Variants in LRRC37A2 observed in about 807,000 individuals in gnomAD.
LRRC37A2 encodes leucine rich repeat containing 37 member A2.
In LRRC37A2, 9 loss-of-function variants were observed where a neutral mutation model predicts 68.8. The ratio of observed to expected loss-of-function variants is 0.13; its 90% CI spans 0.08 to 0.23. LRRC37A2 has a LOEUF of 0.23. LRRC37A2 is among the 10% of genes least tolerant of loss of function. The pLI, the probability that LRRC37A2 is intolerant of heterozygous loss-of-function variation, is 1.00. For synonymous variants in LRRC37A2, 63 were observed against 367.6 expected, an observed-to-expected ratio of 0.17 and a Z score of 9.48; for missense variants, 168 against 950.4, an observed-to-expected ratio of 0.18 and a Z score of 10.82.
At chr17:46,986,970 G>T in the LRRC37A2 span, among the ~76,000 whole-genome samples, 7 of 152,206 alleles carry the variant, frequency 4.6e-5, no homozygotes, top group South Asian at 1.2e-3. Context: ...TGCAGGCCAG[G>T]GGGGGTGGCT....
At chr17:46,727,768 A>G in the LRRC37A2 span, among the ~76,000 whole-genome samples, 1 of 152,192 alleles carries the variant, frequency 6.6e-6, no homozygotes, top group Non-Finnish European at 1.5e-5. Flanking sequence ...GTGTGTGGTC[A>G]TAGCAACACT....
the LRRC37A2 span, chr17:46,756,195 A>G: frequency 5.5e-6 from 1 of 180,336 alleles, no homozygotes. Context: ...ATGTTGCATG[A>G]CAACAGTTGG....
the LRRC37A2 span, among the ~76,000 whole-genome samples, chr17:46,828,658 A>T: frequency 2.0e-5 from 3 of 152,180 alleles, no homozygotes; most frequent in African/African-American, 4.8e-5. Context: ...AGATGCATCC[A>T]GAATGTAGTT....
At chr17:46,784,379 C>T in the LRRC37A2 span, among the ~76,000 whole-genome samples, 1 of 152,082 alleles carries the variant, frequency 6.6e-6, no homozygotes, top group Non-Finnish European at 1.5e-5. Flanking sequence ...AAGAGAGGGA[C>T]GGAAGCTAGA....
At chr17:46,884,541 A>C in the LRRC37A2 span, among the ~76,000 whole-genome samples, 22 of 152,344 alleles carry the variant, frequency 1.4e-4, no homozygotes, top group African/African-American at 5.1e-4. Context: ...ACAGAGGCCC[A>C]GGGTTTGGTA....
the LRRC37A2 span, chr17:46,955,573 T>C: frequency 6.6e-6 from 1 of 152,128 alleles, no homozygotes; most frequent in Non-Finnish European, 1.5e-5. Flanking sequence ...ACTACACTTA[T>C]TAAGGAAAAA....
the LRRC37A2 span, among the ~76,000 whole-genome samples, chr17:46,743,095 G>T: frequency 6.6e-6 from 1 of 152,068 alleles, no homozygotes; most frequent in African/African-American, 2.4e-5. Context: ...TCCTTCGGAG[G>T]GGGTGTCTGA....
the LRRC37A2 span, among the ~76,000 whole-genome samples, chr17:46,862,860 A>T: frequency 6.6e-6 from 1 of 152,198 alleles, no homozygotes; most frequent in Non-Finnish European, 1.5e-5. Context: ...CTGGGATTAC[A>T]AGCGTGAGCC....
the LRRC37A2 span, among the ~76,000 whole-genome samples, chr17:46,405,690 A>C: frequency 1.5e-5 from 1 of 68,460 alleles, no homozygotes; most frequent in Non-Finnish European, 3.3e-5. Context: ...GTGAGCCGAG[A>C]TCACGCCACT....
chr17:46,906,709 T>C, the LRRC37A2 span, among the ~76,000 whole-genome samples: 33 of 152,066 alleles, frequency 2.2e-4, no homozygotes, highest in African/African-American at 7.7e-4. Context: ...TTATGCCCAC[T>C]TCATATAGGA....
chr17:46,849,745 A>C, the LRRC37A2 span, among the ~76,000 whole-genome samples: 3 of 152,216 alleles, frequency 2.0e-5, no homozygotes, highest in African/African-American at 7.2e-5. Context: ...GACCACCATC[A>C]ACCCTCCTTG....
At chr17:46,413,200 A>ATG in the LRRC37A2 span, among the ~76,000 whole-genome samples, 4 of 74,884 alleles carry the variant, frequency 5.3e-5, no homozygotes, top group Non-Finnish European at 1.6e-4. Flanking sequence ...GTCTCAGGCA[A>ATG]TGTGGCAAAG....
chr17:46,846,311 T>A, the LRRC37A2 span, among the ~76,000 whole-genome samples: 1 of 152,242 alleles, frequency 6.6e-6, no homozygotes, highest in Non-Finnish European at 1.5e-5. Flanking sequence ...CATTCAGTTA[T>A]TCATTCATTA....
chr17:46,893,358 G>T, the LRRC37A2 span, among the ~76,000 whole-genome samples: 1 of 152,150 alleles, frequency 6.6e-6, no homozygotes, highest in Non-Finnish European at 1.5e-5. Flanking sequence ...TCAGCTTGGG[G>T]TCCTTTATGG....
At chr17:46,851,644 C>G in the LRRC37A2 span, 8 of 1,278,448 alleles carry the variant, frequency 6.3e-6, no homozygotes, top group Non-Finnish European at 7.9e-6. The surrounding 1 kb of genome is among the most constrained non-coding windows in gnomAD (Gnocchi z 4.3). Context: ...GCACCATGCG[C>G]CCCCCGCCCG....
the LRRC37A2 span, among the ~76,000 whole-genome samples, chr17:46,871,701 A>G: frequency 6.6e-6 from 1 of 152,330 alleles, no homozygotes; most frequent in East Asian, 1.9e-4. Context: ...CTAGAACATC[A>G]GCCTTAGAAT....
At chr17:46,818,730 G>A in the LRRC37A2 span, 4 of 892,670 alleles carry the variant, frequency 4.5e-6, no homozygotes, top group South Asian at 5.9e-5. Context: ...TCCACCCGCA[G>A]CCGCCCCCCT....
the LRRC37A2 span, among the ~76,000 whole-genome samples, chr17:46,770,663 CCAT>C: frequency 6.6e-6 from 1 of 152,178 alleles, no homozygotes; most frequent in Non-Finnish European, 1.5e-5. Flanking sequence ...CTCAGTCTCC[CCAT>C]CCCCATTCTC....
the LRRC37A2 span, among the ~76,000 whole-genome samples, chr17:46,839,848 A>G: frequency 6.6e-6 from 1 of 152,088 alleles, no homozygotes; most frequent in Non-Finnish European, 1.5e-5. Flanking sequence ...CCTGCAAAGG[A>G]CATGAACTCA....
Sources: gnomAD v4.1 joint callset for allele counts (sites outside exome capture counted in the v4.1 genomes callset) on GRCh38, gnomAD v4.1.1 for gene constraint, Gnocchi (gnomAD v3.1) non-coding constraint, MANE v1.5 for transcripts, NCBI Gene and HGNC (gene_info 2026-07-23, HGNC 2026-07-21) for gene names.